The following GTF2F2 variants were observed in gnomAD, a reference collection of about 807,000 sequenced individuals.
GTF2F2 encodes the protein ATP-dependent helicase GTF2F2.
Under a neutral mutation model 42.2 loss-of-function variants are expected in GTF2F2, and 23 were observed. The ratio of observed to expected loss-of-function variants is 0.55; its 90% CI spans 0.39 to 0.77. The LOEUF is 0.77. Among genes scored for constraint, GTF2F2 ranks in the 30% least tolerant of loss-of-function variants. The pLI, the probability that GTF2F2 is intolerant of heterozygous loss-of-function variation, is 0.00. For synonymous variants in GTF2F2, 105 were observed against 100.8 expected (o/e 1.04, Z -0.25); for missense variants, 261 against 287.2 (o/e 0.91, Z 0.66).
intron 2 of GTF2F2, among the ~76,000 whole-genome samples, chr13:45,147,182 A>G (rs1037972043): frequency 6.6e-6 from 1 of 152,114 alleles, no homozygotes. Flanking sequence ...CTTTTTTCCT[A>G]TGCTGCCCAC....
At chr13:45,207,578 C>G in intron 5 of GTF2F2, 73 bp downstream of exon 5, 1 of 877,404 alleles carries the variant, frequency 1.1e-6, no homozygotes, top group Non-Finnish European at 1.9e-6. Context: ...GTTATATCGC[C>G]TATTGACTGC....
intron 4 of GTF2F2, chr13:45,193,891 T>G: frequency 6.2e-7 from 1 of 1,614,168 alleles, no homozygotes; most frequent in Admixed American, 1.7e-5. Flanking sequence ...CATGATAGCC[T>G]CAAACTTAAG....
rs2138284119 is a variant in GTF2F2, at chr13:45,283,861, G to C, written c.*300G>C. 1 of 160,400 alleles carries C rather than the reference G, an allele frequency of 6.2e-6. No homozygotes were observed. The highest frequency in any genetic ancestry group is 2.0e-4 in the South Asian group (1 of 5,010). The allele number at this position is 160,400 out of a possible 1,614,324, so 9.9% of individuals were successfully genotyped here. On this transcript the variant is annotated 3_prime_UTR_variant, in exon 8 of 8. Coordinates refer to ENST00000340473, the MANE Select transcript of GTF2F2 (RefSeq NM_004128.3). ...TATTAGCTTTTAATGTGTACAATTA[G>C]GAAATTTTTTTAAGTGAGGACTCTC...
rs1456320438 is a variant in GTF2F2, at chr13:45,212,457, T to TTCTTTTCTTTTCTTTTC, written c.386+4957_386+4958insTCTTTTCTTTTCTCTTT. ...CTTTCTTTCTTTCTTGTTTCTTTCT[T>TTCTTTTCTTTTCTTTTC]TCTTTCTTTCTTTCTTTCTTTCTTT... On this transcript the variant is annotated intron_variant, in intron 5 of 7. Coordinates refer to ENST00000340473, the MANE Select transcript of GTF2F2 (RefSeq NM_004128.3). 8.3e-3 allele frequency among the ~76,000 whole-genome samples: 876 copies of TTCTTTTCTTTTCTTTTC among 105,682 alleles called. 39 individuals are homozygous for TTCTTTTCTTTTCTTTTC. The highest frequency in any genetic ancestry group is 0.031 in the African/African-American group (779 of 25,294). The allele number at this position is 105,682 out of a possible 152,430, so 69.3% of individuals were successfully genotyped here. A position where few individuals can be genotyped will look rare whatever the true frequency, so the allele number is the denominator to read the frequency against.
intron 2 of GTF2F2, among the ~76,000 whole-genome samples, chr13:45,138,903 C>T (rs569913448): frequency 1.3e-5 from 2 of 152,270 alleles, no homozygotes; most frequent in African/African-American, 4.8e-5. Flanking sequence ...GCTTTGGCCT[C>T]CTAAAGTGCT....
At chr13:45,180,581 C>G (rs934127429) in intron 4 of GTF2F2, among the ~76,000 whole-genome samples, 4 of 151,996 alleles carry the variant, frequency 2.6e-5, no homozygotes, top group Non-Finnish European at 5.9e-5. Context: ...AAAGATTGCT[C>G]ATTTTGTTTT....
At chr13:45,178,173 G>A (rs1056805031) in intron 4 of GTF2F2, among the ~76,000 whole-genome samples, 3 of 151,316 alleles carry the variant, frequency 2.0e-5, no homozygotes, top group African/African-American at 4.9e-5. Context: ...TTAAACATAG[G>A]GCCAACAGTT....
At chr13:45,138,944 C>T (rs1354298152) in intron 2 of GTF2F2, among the ~76,000 whole-genome samples, 2 of 152,190 alleles carry the variant, frequency 1.3e-5, no homozygotes, top group African/African-American at 4.8e-5. Context: ...CTGTGCCCGG[C>T]CGCGAGTGAA....
chr13:45,273,655 A>ATTTTTTTTTTTTTTTTTTTTTTTTTTT (rs773254844), intron 7 of GTF2F2, among the ~76,000 whole-genome samples: 5 of 123,860 alleles, frequency 4.0e-5, no homozygotes, highest in African/African-American at 1.4e-4. Context: ...GAGTGGTAAA[A>ATTTTTTTTTTTTTTTTTTTTTTTTTTT]TTTTTTTTTT....
chr13:45,121,695 G>A (rs895189916), intron 1 of GTF2F2, among the ~76,000 whole-genome samples: 10 of 152,142 alleles, frequency 6.6e-5, no homozygotes, highest in Non-Finnish European at 8.8e-5. Context: ...ATGAGAACAG[G>A]ATCTTTGCCT....
At chr13:45,158,211 TC>T (rs1241849052) in intron 4 of GTF2F2, among the ~76,000 whole-genome samples, 1 of 152,144 alleles carries the variant, frequency 6.6e-6, no homozygotes, top group Non-Finnish European at 1.5e-5. Context: ...GGAGGCAGCT[TC>T]CCCCATACTG....
Position 45,260,953 on chromosome 13 carries a change from C to T in GTF2F2, c.487-6280C>T, listed in dbSNP as rs1448064431. Among the ~76,000 whole-genome samples, 7 of 152,136 alleles carry T rather than the reference C, an allele frequency of 4.6e-5. No individual in the cohort carries two copies. The East Asian group carries it at 1.2e-3, about 25-fold the overall frequency. On this transcript the variant is annotated intron_variant, in intron 6 of 7. Transcript: ENST00000340473. Reference sequence around the variant, plus strand: ...CCAGCCTGGCCAACGTGGTGAAACCCTGTCTCTAATAAAAATACAAAAATT... The same window carrying T: ...CCAGCCTGGCCAACGTGGTGAAACCTTGTCTCTAATAAAAATACAAAAATT...
chr13:45,212,455 C>CTTTCTTTTCTTT (rs71184403), intron 5 of GTF2F2, among the ~76,000 whole-genome samples: 1,670 of 96,640 alleles, frequency 0.017, 94 homozygotes, highest in Non-Finnish European at 0.022. Context: ...TTGTTTCTTT[C>CTTTCTTTTCTTT]TTTCTTTCTT....
At chr13:45,148,007 T>G (rs1437353035) in intron 2 of GTF2F2, among the ~76,000 whole-genome samples, 1 of 152,182 alleles carries the variant, frequency 6.6e-6, no homozygotes, top group African/African-American at 2.4e-5. Context: ...ACGTGTCTAT[T>G]TTCATTAAAC....
chr13:45,245,001 A>C (rs1710860405), intron 5 of GTF2F2, among the ~76,000 whole-genome samples: 1 of 152,302 alleles, frequency 6.6e-6, no homozygotes. Flanking sequence ...GTTGCTCTTG[A>C]AGCTTTCTAC....
intron 4 of GTF2F2, among the ~76,000 whole-genome samples, chr13:45,161,697 G>A (rs949076797): frequency 2.0e-5 from 3 of 152,154 alleles, no homozygotes; most frequent in Non-Finnish European, 4.4e-5. Flanking sequence ...CAAAAAATTA[G>A]CCAGCTGTGG....
chr13:45,186,272 G>T (rs980765161), intron 4 of GTF2F2, among the ~76,000 whole-genome samples: 1 of 137,586 alleles, frequency 7.3e-6, no homozygotes, highest in African/African-American at 3.2e-5. Context: ...CCGGCACCTG[G>T]CCTATTTTTT....
intron 4 of GTF2F2, among the ~76,000 whole-genome samples, chr13:45,178,773 A>G (rs977557627): frequency 6.6e-5 from 10 of 152,240 alleles, no homozygotes; most frequent in East Asian, 1.9e-4. Flanking sequence ...GGGCCTTAAA[A>G]CAACAATGAT....
rs530769053 is a variant in GTF2F2, at chr13:45,210,076, C to T, written c.386+2571C>T. On this transcript the variant is annotated intron_variant, in intron 5 of 7. Transcript: ENST00000340473. The stretch of plus-strand genomic sequence containing the variant: ...GCCCCACTGTAGTCTCTTCTCAGCA[C>T]AGTAGCCAGGGAAGTTCTTTTAAAA... Among the ~76,000 whole-genome samples the T allele has an allele frequency of 1.1e-4, 16 of 152,326 alleles. No homozygotes were observed. In the South Asian group the frequency reaches 3.3e-3, roughly 32 times the overall value.
Sources: allele counts gnomAD v4.1 joint callset (sites outside exome capture counted in the v4.1 genomes callset), GRCh38; gene constraint gnomAD v4.1.1; transcripts MANE v1.5; gene names NCBI Gene and HGNC (gene_info 2026-07-23, HGNC 2026-07-21).